The following TBC1D4 variants were observed in gnomAD, a reference collection of about 807,000 sequenced individuals.
TBC1D4 encodes TBC1 domain family member 4.
A neutral mutation model predicts 142.5 loss-of-function variants in TBC1D4; 121 were observed. The ratio of observed to expected loss-of-function variants is 0.85; its 90% CI spans 0.73 to 0.99. TBC1D4 has a LOEUF of 0.99. Among genes scored for constraint, TBC1D4 ranks in the 50% least tolerant of loss-of-function variants. TBC1D4 has a pLI of 0.00. For missense variants in TBC1D4, 1,475 were observed against 1,606.6 expected (o/e 0.92, Z 1.40); for synonymous variants, 630 against 628.2 (o/e 1.00, Z -0.04).
At chr13:75,358,367 T>C (rs11841163) in intron 3 of TBC1D4, among the ~76,000 whole-genome samples, 15,723 of 152,282 alleles carry the variant, frequency 0.1, 1,545 homozygotes, top group African/African-American at 0.25. Context: ...TCAGTTAAAA[T>C]TTCTGTGTCC....
chr13:75,447,171 T>C (rs1887322995), intron 1 of TBC1D4, among the ~76,000 whole-genome samples: 1 of 152,182 alleles, frequency 6.6e-6, no homozygotes, highest in Non-Finnish European at 1.5e-5. Flanking sequence ...GGAGGATATT[T>C]ATAGGGAGAA....
intron 15 of TBC1D4, among the ~76,000 whole-genome samples, chr13:75,305,388 T>C (rs904951443): frequency 6.6e-6 from 1 of 152,232 alleles, no homozygotes; most frequent in Non-Finnish European, 1.5e-5. Context: ...CTAAAATATC[T>C]TTGAAAGTCA....
At chr13:75,396,489 A>G (rs1399081183) in intron 1 of TBC1D4, among the ~76,000 whole-genome samples, 2 of 151,474 alleles carry the variant, frequency 1.3e-5, no homozygotes, top group Non-Finnish European at 2.9e-5. Flanking sequence ...AGGTGTAGAT[A>G]TTTCGGAAAT....
rs1482079394 is a variant in TBC1D4 at position 75,351,359 on chromosome 13, GC to G, written c.1276-2058del. 6.6e-5 allele frequency among the ~76,000 whole-genome samples: 10 copies of G among 151,826 alleles called. No homozygotes were observed. In the East Asian group the frequency reaches 1.7e-3, roughly 26 times the overall value. ...TTTTTAAATTATCCAATAAAGAATG[GC>G]ATCAATCCTATTTTTTTGGGGGGGT... On this transcript the variant is annotated intron_variant, in intron 4 of 20. Transcript: ENST00000377636.
chr13:75,449,516 CTGAAAG>C (rs1887439507), intron 1 of TBC1D4, among the ~76,000 whole-genome samples: 1 of 145,564 alleles, frequency 6.9e-6, no homozygotes, highest in South Asian at 2.3e-4. Flanking sequence ...TAACTGAAAC[CTGAAAG>C]TGAAACTGCA....
At chr13:75,461,581 T>G (rs1887968056) in intron 1 of TBC1D4, among the ~76,000 whole-genome samples, 1 of 152,214 alleles carries the variant, frequency 6.6e-6, no homozygotes. Flanking sequence ...ATGTTTAACT[T>G]GATTCAACCT....
intron 10 of TBC1D4, among the ~76,000 whole-genome samples, chr13:75,324,887 C>G (rs532878368): frequency 1.3e-5 from 2 of 152,296 alleles, no homozygotes; most frequent in South Asian, 4.1e-4. Context: ...GCTTAACAAA[C>G]ATTAATGTCC....
intron 1 of TBC1D4, among the ~76,000 whole-genome samples, chr13:75,414,105 A>G (rs1885808251): frequency 6.6e-6 from 1 of 152,232 alleles, no homozygotes; most frequent in South Asian, 2.1e-4. Context: ...GCAATACTAC[A>G]TCCGCATTCC....
chr13:75,361,901 A>G, intron 2 of TBC1D4, 125 bp downstream of exon 2: 2 of 1,181,802 alleles, frequency 1.7e-6, no homozygotes, highest in Non-Finnish European at 2.4e-6. Flanking sequence ...TCTGCTTTGA[A>G]GGGGAAAACA....
rs556079916 is a variant in TBC1D4, at chr13:75,376,443, T to A, written c.499-13836A>T. 3.8e-4 allele frequency among the ~76,000 whole-genome samples: 58 copies of A among 151,246 alleles called. 1 individual carries two copies. Among genetic ancestry groups the A allele is most frequent in the Admixed American group, 3.4e-3 (51 of 15,082 alleles). On this transcript the variant is annotated intron_variant, in intron 1 of 20. Transcript: ENST00000377636. Reference sequence around the variant, plus strand: ...CCCAGGCTGGAGTGCAATGGTGCGATCTTGGCTCACTGCAACCTCCGCCTC... The same window carrying A: ...CCCAGGCTGGAGTGCAATGGTGCGAACTTGGCTCACTGCAACCTCCGCCTC...
intron 5 of TBC1D4, among the ~76,000 whole-genome samples, 193 bp from the exon 6 acceptor site, chr13:75,341,780 C>A (rs551809814): frequency 6.6e-6 from 1 of 152,346 alleles, no homozygotes; most frequent in South Asian, 2.1e-4. Flanking sequence ...AACCTCTCCA[C>A]CAAAATCAAC....
chr13:75,302,053 C>T (rs1876618664), intron 16 of TBC1D4, among the ~76,000 whole-genome samples, 190 bp downstream of exon 16: 1 of 152,112 alleles, frequency 6.6e-6, no homozygotes, highest in African/African-American at 2.4e-5. Context: ...CTTCATTTAA[C>T]ACGCAGGCAT....
At chr13:75,404,761 C>T (rs995313380) in intron 1 of TBC1D4, among the ~76,000 whole-genome samples, 2 of 152,166 alleles carry the variant, frequency 1.3e-5, no homozygotes, top group African/African-American at 4.8e-5. Context: ...TCACTAAAAT[C>T]ACTTTTTATT....
intron 1 of TBC1D4, among the ~76,000 whole-genome samples, chr13:75,430,751 T>C (rs1201899580): frequency 1.3e-5 from 2 of 152,186 alleles, no homozygotes; most frequent in Non-Finnish European, 2.9e-5. Context: ...AGTTGCTCCC[T>C]TAAGGCTTTA....
chr13:75,419,126 A>G (rs1886052331), intron 1 of TBC1D4, among the ~76,000 whole-genome samples: 1 of 152,216 alleles, frequency 6.6e-6, no homozygotes. Flanking sequence ...GGGTACTTTT[A>G]CAGTAATTCA....
In TBC1D4 at chr13:75,342,647, A is replaced by T. The variant is rs538486856; in HGVS notation, c.1409-1060T>A. 5.3e-5 allele frequency among the ~76,000 whole-genome samples: 8 copies of T among 151,780 alleles called. No homozygotes were observed. In the East Asian group the frequency reaches 5.8e-4, roughly 11 times the overall value. ...TTTTTCATGAGAAGGTTGTTTTTAA[A>T]TTTTTTTTTAAAAAAGAAAGTTTAA... On this transcript the variant is annotated intron_variant, in intron 5 of 20. Transcript: ENST00000377636.
intron 1 of TBC1D4, among the ~76,000 whole-genome samples, chr13:75,480,043 AC>A (rs67495268): frequency 1.3e-5 from 2 of 151,896 alleles, no homozygotes; most frequent in Non-Finnish European, 1.5e-5. Flanking sequence ...AAAAAAAAAA[AC>A]CTATTTTTCA....
chr13:75,296,468 T>C (rs1248034244), intron 17 of TBC1D4, among the ~76,000 whole-genome samples: 2 of 152,180 alleles, frequency 1.3e-5, no homozygotes, highest in Admixed American at 1.3e-4. Flanking sequence ...AGAATCTTAT[T>C]TCCCACCTAC....
At chr13:75,404,595 G>T (rs1885243975) in intron 1 of TBC1D4, among the ~76,000 whole-genome samples, 1 of 152,140 alleles carries the variant, frequency 6.6e-6, no homozygotes, top group Non-Finnish European at 1.5e-5. Context: ...TAGGGAGGAA[G>T]ACCACAGATG....
Sources: allele counts gnomAD v4.1 joint callset (sites outside exome capture counted in the v4.1 genomes callset), GRCh38; gene constraint gnomAD v4.1.1; transcripts MANE v1.5; gene names NCBI Gene and HGNC (gene_info 2026-07-23, HGNC 2026-07-21).